CNTNAP4: variants seen among roughly 807,000 people sequenced by gnomAD.
CNTNAP4 encodes contactin associated protein family member 4, also known as contactin-associated protein-like 4.
CNTNAP4 carries 98 observed loss-of-function variants against 148.4 expected under a neutral mutation model. The observed-to-expected ratio is 0.66, with a 90% CI of 0.56 to 0.78. The LOEUF (loss-of-function observed/expected upper bound fraction) is 0.78. Ranked by LOEUF, CNTNAP4 falls within the 30% of genes least tolerant of loss-of-function variation. The pLI, the probability that CNTNAP4 is intolerant of heterozygous loss-of-function variation, is 0.00. For missense variants in CNTNAP4, 1,935 were observed against 1,565.6 expected (o/e 1.24, Z -3.98); for synonymous variants, 730 against 565.1 (o/e 1.29, Z -4.14).
chr16:76,447,678 CAT>C (rs1243896850), intron 4 of CNTNAP4, among the ~76,000 whole-genome samples: 1 of 152,168 alleles, frequency 6.6e-6, no homozygotes, highest in Admixed American at 6.5e-5. Flanking sequence ...CAATAAATTA[CAT>C]GAGATATTCA....
Position 76,558,606 on chromosome 16 carries a change from A to G in CNTNAP4, c.3850A>G (p.Ser1284Gly), listed in dbSNP as rs762867083. 4 of 1,613,516 alleles carry G rather than the reference A, an allele frequency of 2.5e-6. No individual in the cohort carries two copies. The highest frequency in any genetic ancestry group is 3.4e-6 in the Non-Finnish European group (4 of 1,179,582). The change falls in exon 24 of 24, where the codon AGT becomes GGT. Residue 1284 changes from serine to glycine, a missense_variant. Ser to Gly is a moderately conservative substitution (Grantham distance 56). Transcript: ENST00000611870. Reference sequence around the variant, plus strand: ...GGCAAAAAGGTCAGAGAATGTAGACAGTGCTGAGGCTGTTCTGAAAAGTGA... The same window carrying G: ...GGCAAAAAGGTCAGAGAATGTAGACGGTGCTGAGGCTGTTCTGAAAAGTGA... ...SEAKRSENVD[S>G]AEAVLKSELN...
chr16:76,558,782 G>C lies in CNTNAP4; in HGVS notation c.*99G>C, dbSNP rs571076495. On this transcript the variant is annotated 3_prime_UTR_variant, in exon 24 of 24. Transcript: ENST00000611870. Reference sequence around the variant, plus strand: ...TGCTCTTACACTGAATGTACAGGCAGTGGGCTTGCAGCACTGCCATCTTGC... The same window carrying C: ...TGCTCTTACACTGAATGTACAGGCACTGGGCTTGCAGCACTGCCATCTTGC... 1.2e-3 allele frequency: 1,107 copies of C among 917,872 alleles called. 20 individuals carry two copies. The South Asian group carries it at 0.021, about 17-fold the overall frequency. The allele number at this position is 917,872 out of a possible 1,614,324, so 56.9% of individuals were successfully genotyped here.
At chr16:76,475,747 A>G (rs1221965466) in intron 10 of CNTNAP4, among the ~76,000 whole-genome samples, 192 bp from the exon 11 acceptor site, 2 of 152,208 alleles carry the variant, frequency 1.3e-5, no homozygotes, top group African/African-American at 2.4e-5. Flanking sequence ...CTATCTGAGA[A>G]TTGGCTGAAA....
chr16:76,469,408 G>C (rs1478139316), intron 10 of CNTNAP4: 1 of 152,172 alleles, frequency 6.6e-6, no homozygotes, highest in Non-Finnish European at 1.5e-5. Context: ...GGCTTCCTGG[G>C]CCTGGCTTCT....
intron 3 of CNTNAP4, among the ~76,000 whole-genome samples, chr16:76,393,873 A>G (rs1198680151): frequency 6.6e-6 from 1 of 152,206 alleles, no homozygotes; most frequent in Non-Finnish European, 1.5e-5. Context: ...CTTAAACATT[A>G]GGGGCTTCAA....
chr16:76,480,186 C>G (rs34169630), intron 12 of CNTNAP4, among the ~76,000 whole-genome samples: 18,364 of 152,066 alleles, frequency 0.12, 1,277 homozygotes, highest in South Asian at 0.2. Flanking sequence ...GACCAAGATT[C>G]TCACTATTCA....
intron 17 of CNTNAP4, among the ~76,000 whole-genome samples, chr16:76,531,885 G>A (rs966415619): frequency 1.2e-4 from 19 of 152,122 alleles, no homozygotes; most frequent in African/African-American, 3.9e-4. Context: ...GGTAAATAAC[G>A]AAAGTACAGA....
chr16:76,424,420 C>T (rs2079304775), intron 3 of CNTNAP4, among the ~76,000 whole-genome samples: 1 of 152,084 alleles, frequency 6.6e-6, no homozygotes, highest in African/African-American at 2.4e-5. Flanking sequence ...GATCCTCAAC[C>T]AAAGCTGCAC....
chr16:76,500,552 A>G (rs2082592453), intron 15 of CNTNAP4, among the ~76,000 whole-genome samples: 1 of 151,904 alleles, frequency 6.6e-6, no homozygotes, highest in African/African-American at 2.4e-5. Context: ...TAGAATGTCA[A>G]TGGAATCATG....
At chr16:76,373,911 A>AG (rs889167950) in intron 3 of CNTNAP4, among the ~76,000 whole-genome samples, 1 of 151,550 alleles carries the variant, frequency 6.6e-6, no homozygotes, top group African/African-American at 2.4e-5. Flanking sequence ...AAAAAAAAAA[A>AG]AAAGAAAAGG....
In CNTNAP4 at chr16:76,508,753, C is replaced by CTT. The variant is rs373123073; in HGVS notation, c.2365+10075_2365+10076dup. On this transcript the variant is annotated intron_variant, in intron 15 of 23. Transcript: ENST00000611870. Reference sequence around the variant, plus strand: ...TGACTGACTTGATACAAAATCATAACTTTTTTTTTTTTTTTTTGAGATGGA... The same window carrying CTT: ...TGACTGACTTGATACAAAATCATAACTTTTTTTTTTTTTTTTTTTGAGATGGA... Among the ~76,000 whole-genome samples, 58 of 70,966 alleles carry CTT rather than the reference C, an allele frequency of 8.2e-4. 5 individuals carry two copies. The highest frequency in any genetic ancestry group is 1.5e-3 in the Non-Finnish European group (37 of 25,348). The allele number at this position is 70,966 out of a possible 152,430, so 46.6% of individuals were successfully genotyped here.
In CNTNAP4 at chr16:76,449,780, A is replaced by G; in HGVS notation, c.993A>G (p.Gly331=). The G allele has an allele frequency of 6.3e-7, 1 of 1,599,198 alleles. No individual in the cohort carries two copies. The highest frequency in any genetic ancestry group is 1.7e-4 in the Middle Eastern group (1 of 6,040). The change falls in exon 7 of 24, where the codon GGA becomes GGG. Residue 331 remains glycine (G), a synonymous_variant. Coordinates refer to ENST00000611870, the MANE Select transcript of CNTNAP4 (RefSeq NM_033401.5). The stretch of plus-strand genomic sequence containing the variant: ...CATTCCCACATAGAAATTTTCATGG[A>G]TGTTTAGAAAATCTCTATTATAATG... The part of the protein sequence containing the change: ...SVSFPHRNFH[G]CLENLYYNGV...
chr16:76,327,354 G>A (rs975040908), intron 2 of CNTNAP4, among the ~76,000 whole-genome samples: 1 of 152,164 alleles, frequency 6.6e-6, no homozygotes, highest in Non-Finnish European at 1.5e-5. Flanking sequence ...GTTTCTAGCT[G>A]TATCCATGTT....
At chr16:76,387,749 T>C (rs1202290991) in intron 3 of CNTNAP4, among the ~76,000 whole-genome samples, 1 of 152,136 alleles carries the variant, frequency 6.6e-6, no homozygotes, top group East Asian at 1.9e-4. Context: ...CAACATGATT[T>C]AATAGTGGTT....
intron 15 of CNTNAP4, among the ~76,000 whole-genome samples, chr16:76,500,090 G>T (rs2082567560): frequency 1.3e-5 from 2 of 152,280 alleles, no homozygotes; most frequent in Admixed American, 6.5e-5. Context: ...CCCTGACGGG[G>T]TGGCGGCGGG....
chr16:76,277,448 AAGAG>A lies in CNTNAP4; in HGVS notation c.-209_-206del. 1 of 536,526 alleles carries A rather than the reference AAGAG, an allele frequency of 1.9e-6. No individual in the cohort carries two copies. The highest frequency in any genetic ancestry group is 3.3e-6 in the Non-Finnish European group (1 of 301,502). 33.2% of individuals were successfully genotyped at this position (536,526 alleles called of 1,614,324 possible). A position where few individuals can be genotyped will look rare whatever the true frequency, so the allele number is the denominator to read the frequency against. ...AGGTGTGTGTGAGAGAGAGAGAGAAAAGAGAGAGACAGAGACGGGGAGAGAGAGA... is the reference window on the plus strand; with the variant it reads ...AGGTGTGTGTGAGAGAGAGAGAGAAAAGAGACAGAGACGGGGAGAGAGAGA... On this transcript the variant is annotated 5_prime_UTR_variant, in exon 1 of 24. Transcript: ENST00000611870.
At chr16:76,349,282 A>G (rs548299442) in intron 2 of CNTNAP4, among the ~76,000 whole-genome samples, 3 of 152,256 alleles carry the variant, frequency 2.0e-5, no homozygotes, top group East Asian at 3.9e-4. Context: ...ATGTCCTCAC[A>G]AAATCCTGAA....
chr16:76,516,447 T>C (rs1037642793), intron 15 of CNTNAP4, among the ~76,000 whole-genome samples: 22 of 152,212 alleles, frequency 1.4e-4, no homozygotes, highest in African/African-American at 5.3e-4. Context: ...TGCCCAGTAA[T>C]GGCATTGCTG....
chr16:76,310,532 C>G (rs1960985413), intron 1 of CNTNAP4, among the ~76,000 whole-genome samples: 1 of 152,138 alleles, frequency 6.6e-6, no homozygotes, highest in Non-Finnish European at 1.5e-5. Flanking sequence ...TCTAAATAAA[C>G]TATTTTCTGA....
Sources: gnomAD v4.1 joint callset for allele counts (sites outside exome capture counted in the v4.1 genomes callset) on GRCh38, gnomAD v4.1.1 for gene constraint, MANE v1.5 for transcripts, NCBI Gene and HGNC (gene_info 2026-07-23, HGNC 2026-07-21) for gene names.